The following WDR7 variants were observed in gnomAD, a reference collection of about 807,000 sequenced individuals.
The protein encoded by WDR7 is WD repeat domain 7.
A neutral mutation model predicts 169.4 loss-of-function variants in WDR7; 46 were observed. That is an observed-to-expected ratio of 0.27 (90% confidence interval 0.21 to 0.35). WDR7 has a LOEUF of 0.35. Among genes scored for constraint, WDR7 ranks in the 10% least tolerant of loss-of-function variants. The pLI is 1.00. For synonymous variants in WDR7, 612 were observed against 666.8 expected (o/e 0.92, Z 1.27); for missense variants, 1,534 against 1,859.3 (o/e 0.83, Z 3.22).
intron 26 of WDR7, among the ~76,000 whole-genome samples, chr18:56,964,499 C>T (rs990974364): frequency 7.2e-5 from 11 of 152,084 alleles, no homozygotes; most frequent in African/African-American, 2.7e-4. Context: ...GTGATTCTCA[C>T]TTCAGCCTCC....
intron 20 of WDR7, among the ~76,000 whole-genome samples, chr18:56,863,179 A>G (rs1168023277): frequency 2.0e-5 from 3 of 151,838 alleles, no homozygotes; most frequent in Non-Finnish European, 4.4e-5. Context: ...ATACAAAACA[A>G]TTGTAGTGTT....
rs2043753189 is a variant in WDR7 at position 56,749,376 on chromosome 18, GTGTGTGTGTT to G, written c.1990-7197_1990-7188del. On this transcript the variant is annotated intron_variant, in intron 14 of 27. Coordinates refer to ENST00000254442, the MANE Select transcript of WDR7 (RefSeq NM_015285.3). ...TCAAAGTATTAATATCTATAGAAGT[GTGTGTGTGTT>G]TGTGTGTGTGTGTGTGTGTGTGTGT... 2.5e-5 allele frequency among the ~76,000 whole-genome samples: 3 copies of G among 121,346 alleles called. No homozygotes were observed. In the Admixed American group the frequency reaches 2.6e-4, roughly 10 times the overall value. The allele number at this position is 121,346 out of a possible 152,430, so 79.6% of individuals were successfully genotyped here. A position where few individuals can be genotyped will look rare whatever the true frequency, so the allele number is the denominator to read the frequency against.
rs1265949708 is a variant in WDR7, at chr18:56,694,501, A to G, written c.967-118A>G. On this transcript the variant is annotated intron_variant, in intron 9 of 27. Coordinates refer to ENST00000254442, the MANE Select transcript of WDR7 (RefSeq NM_015285.3). ...ATTGTTGAATAATCATGCTATAAAC[A>G]CTTTTTCAACTTGGCTACTGGGACA... 10 of 939,886 alleles carry G rather than the reference A, an allele frequency of 1.1e-5. No individual in the cohort carries two copies. In the African/African-American group the frequency reaches 1.1e-4, roughly 11 times the overall value. The allele number at this position is 939,886 out of a possible 1,614,324, so 58.2% of individuals were successfully genotyped here. A position where few individuals can be genotyped will look rare whatever the true frequency, so the allele number is the denominator to read the frequency against.
intron 12 of WDR7, among the ~76,000 whole-genome samples, chr18:56,697,833 T>G (rs2025736378): frequency 6.6e-6 from 1 of 152,174 alleles, no homozygotes; most frequent in South Asian, 2.1e-4. Flanking sequence ...GAGAATAAAA[T>G]ATTTAAAATA....
intron 21 of WDR7, among the ~76,000 whole-genome samples, chr18:56,917,818 C>T (rs1315789951): frequency 6.6e-6 from 1 of 152,056 alleles, no homozygotes. Context: ...TAAATATTTT[C>T]TGGCAGCTTT....
intron 16 of WDR7, among the ~76,000 whole-genome samples, chr18:56,775,167 C>T (rs1050330530): frequency 3.3e-5 from 5 of 152,098 alleles, no homozygotes; most frequent in African/African-American, 1.2e-4. Context: ...TCCTCACCCT[C>T]TCATTCTATT....
At chr18:56,723,096 G>T (rs1220949629) in intron 13 of WDR7, among the ~76,000 whole-genome samples, 1 of 152,040 alleles carries the variant, frequency 6.6e-6, no homozygotes, top group Non-Finnish European at 1.5e-5. Context: ...CTTTTACACA[G>T]ACCAGTTGCT....
intron 12 of WDR7, among the ~76,000 whole-genome samples, chr18:56,708,825 T>A (rs1281220700): frequency 6.6e-6 from 1 of 152,062 alleles, no homozygotes; most frequent in Non-Finnish European, 1.5e-5. Context: ...TAATCCCAGC[T>A]ACTTGAGAGA....
At chr18:57,016,837 T>A (rs906299466) in intron 26 of WDR7, among the ~76,000 whole-genome samples, 1 of 152,390 alleles carries the variant, frequency 6.6e-6, no homozygotes, top group East Asian at 1.9e-4. Context: ...TGATTTTTTT[T>A]AATTGTTTGT....
chr18:56,898,984 A>C (rs2046366729), intron 21 of WDR7, among the ~76,000 whole-genome samples: 1 of 152,122 alleles, frequency 6.6e-6, no homozygotes, highest in African/African-American at 2.4e-5. Flanking sequence ...AGTTCTTAAA[A>C]AGCGGTTCTT....
At chr18:56,731,711 A>T in intron 14 of WDR7, 114 bp downstream of exon 14, 1 of 969,698 alleles carries the variant, frequency 1.0e-6, no homozygotes, top group Non-Finnish European at 1.5e-6. Flanking sequence ...TTGAAAAATA[A>T]ACTTTTGATT....
rs1160683030 is a variant in WDR7 at position 56,758,959 on chromosome 18, A to G, written c.2848+6A>G. Reference sequence around the variant, plus strand: ...GCAAGGACAGATTAAACAAGGTAAAATTAAATCTTATTAAGTAATTGACAT... The same window carrying G: ...GCAAGGACAGATTAAACAAGGTAAAGTTAAATCTTATTAAGTAATTGACAT... On this transcript the variant is annotated splice_donor_region_variant and intron_variant, in intron 16 of 27. Transcript: ENST00000254442. 2 of 1,601,924 alleles carry G rather than the reference A, an allele frequency of 1.2e-6. No homozygotes were observed. The highest frequency in any genetic ancestry group is 2.2e-5 in the South Asian group (2 of 89,486).
intron 19 of WDR7, among the ~76,000 whole-genome samples, chr18:56,785,629 G>A (rs1254904831): frequency 6.6e-6 from 1 of 152,132 alleles, no homozygotes; most frequent in African/African-American, 2.4e-5. Flanking sequence ...GAAGTTTAAT[G>A]TGGGTGGTAA....
At chr18:56,744,245 GAA>G (rs58110613) in intron 14 of WDR7, among the ~76,000 whole-genome samples, 36,604 of 86,454 alleles carry the variant, frequency 0.42, 5,226 homozygotes, top group South Asian at 0.51. Context: ...TCTCAAAAAA[GAA>G]AAAAAAAAAA....
At chr18:57,004,149 G>C (rs1395996122) in intron 26 of WDR7, among the ~76,000 whole-genome samples, 1 of 152,032 alleles carries the variant, frequency 6.6e-6, no homozygotes, top group Non-Finnish European at 1.5e-5. Context: ...TATGGGTGTA[G>C]GAGGAGGTAA....
chr18:56,751,220 A>G (rs1029090318), intron 14 of WDR7, among the ~76,000 whole-genome samples: 1 of 152,174 alleles, frequency 6.6e-6, no homozygotes, highest in Non-Finnish European at 1.5e-5. Flanking sequence ...GTCCATGCAC[A>G]TGGGCTGTCT....
intron 22 of WDR7, among the ~76,000 whole-genome samples, chr18:56,931,892 A>T (rs1033066192): frequency 6.6e-6 from 1 of 152,178 alleles, no homozygotes; most frequent in Non-Finnish European, 1.5e-5. Flanking sequence ...CTTCAGGAGC[A>T]TTGGTGTTGA....
chr18:56,959,810 C>T (rs1212384057), intron 25 of WDR7, among the ~76,000 whole-genome samples: 2 of 152,156 alleles, frequency 1.3e-5, no homozygotes, highest in Non-Finnish European at 2.9e-5. Flanking sequence ...CTTGCTCCTT[C>T]GTCTTGACAG....
At chr18:57,032,842 T>TATATATATATATAC (rs1555649900), downstream of WDR7, 12 of 121,972 alleles carry the variant, frequency 9.8e-5, 1 homozygote, top group South Asian at 2.9e-3. Flanking sequence ...TATATATATA[T>TATATATATATATAC]ATACAGTGTA....
Sources: gnomAD v4.1 joint callset for allele counts (sites outside exome capture counted in the v4.1 genomes callset) on GRCh38, gnomAD v4.1.1 for gene constraint, MANE v1.5 for transcripts, NCBI Gene and HGNC (gene_info 2026-07-23, HGNC 2026-07-21) for gene names.